CFDP1: variants seen among roughly 807,000 people sequenced by gnomAD.
The protein encoded by CFDP1 is chromatin remodeling protein CFDP1.
Under a neutral mutation model 40.1 loss-of-function variants are expected in CFDP1, and 31 were observed. That is an observed-to-expected ratio of 0.77 (90% confidence interval 0.58 to 1.04). The LOEUF is 1.04. Ranked by LOEUF, CFDP1 falls within the 50% of genes least tolerant of loss-of-function variation. CFDP1 has a pLI of 0.00. For synonymous variants in CFDP1, 167 were observed against 120.0 expected (o/e 1.39, Z -2.56); for missense variants, 423 against 343.4 (o/e 1.23, Z -1.83).
intron 5 of CFDP1, among the ~76,000 whole-genome samples, chr16:75,342,571 CAG>C (rs1210151232): frequency 6.6e-6 from 1 of 152,182 alleles, no homozygotes; most frequent in Admixed American, 6.5e-5. Flanking sequence ...AAGCCAAATG[CAG>C]AGTTAGAGTT....
chr16:75,311,509 A>T lies in CFDP1; in HGVS notation c.651-6327T>A, dbSNP rs181895404. On this transcript the variant is annotated intron_variant, in intron 5 of 6. Transcript: ENST00000283882. ...TTACCCAAACACTTTTTCTCATAAC[A>T]AAATATTCAACACTACACTTGAACT... 3.0e-3 allele frequency among the ~76,000 whole-genome samples: 455 copies of T among 152,282 alleles called. 2 individuals carry two copies. Among genetic ancestry groups the T allele is most frequent in the Non-Finnish European group, 4.7e-3 (317 of 68,014 alleles).
Position 75,397,222 on chromosome 16 carries a change from T to C in CFDP1, c.531-2013A>G, listed in dbSNP as rs2151566751. ...AGCCACTGCGCCCAGCGTTTTTTTG[T>C]TTTAAAACCAGGCCAGGTACAGTGG... is the stretch of plus-strand genomic sequence containing the variant. On this transcript the variant is annotated intron_variant, in intron 4 of 6. Transcript: ENST00000283882. Among the ~76,000 whole-genome samples, 3 of 151,308 alleles carry C rather than the reference T, an allele frequency of 2.0e-5. No individual in the cohort carries two copies. The East Asian group carries it at 6.0e-4, about 30-fold the overall frequency.
chr16:75,347,431 G>A (rs1221383160), intron 5 of CFDP1, among the ~76,000 whole-genome samples: 1 of 150,638 alleles, frequency 6.6e-6, no homozygotes, highest in Non-Finnish European at 1.5e-5. Flanking sequence ...TGTAATCCCA[G>A]CACTTTAGGA....
intron 5 of CFDP1, among the ~76,000 whole-genome samples, chr16:75,343,441 A>T (rs1288166464): frequency 6.6e-6 from 1 of 152,166 alleles, no homozygotes; most frequent in African/African-American, 2.4e-5. Context: ...TTCCAGCAAA[A>T]AAGGTGCAGT....
At chr16:75,330,923 G>A (rs2078441210) in intron 5 of CFDP1, among the ~76,000 whole-genome samples, 2 of 148,344 alleles carry the variant, frequency 1.3e-5, no homozygotes, top group Non-Finnish European at 1.5e-5. Context: ...GAGGCAGACA[G>A]GCCAGTCCTT....
At chr16:75,327,728 T>C (rs1160634355) in intron 5 of CFDP1, among the ~76,000 whole-genome samples, 3 of 152,056 alleles carry the variant, frequency 2.0e-5, no homozygotes, top group African/African-American at 7.3e-5. Context: ...CAAATTATTA[T>C]TATTATTATT....
In CFDP1 at chr16:75,296,214, T is replaced by C. The variant is rs981241006; in HGVS notation, c.810-2172A>G. Among the ~76,000 whole-genome samples, 4 of 152,342 alleles carry C rather than the reference T, an allele frequency of 2.6e-5. No homozygotes were observed. The South Asian group carries it at 6.2e-4, about 24-fold the overall frequency. On this transcript the variant is annotated intron_variant, in intron 6 of 6. Transcript: ENST00000283882. ...ATCAGGTGGAGGGAAGGAGTAAGTA[T>C]GTGGCTTTAAGCATTTGGGGTCTTT... is the stretch of plus-strand genomic sequence containing the variant.
intron 6 of CFDP1, among the ~76,000 whole-genome samples, chr16:75,303,400 A>AATAAATGAATATATGTATGTATGT (rs745774792): frequency 1.3e-3 from 192 of 146,242 alleles, no homozygotes; most frequent in Non-Finnish European, 2.3e-3. Flanking sequence ...TAAATAAATA[A>AATAAATGAATATATGTATGTATGT]ATGTATGTAT....
intron 5 of CFDP1, among the ~76,000 whole-genome samples, chr16:75,319,453 G>C (rs933153586): frequency 6.6e-6 from 1 of 152,142 alleles, no homozygotes; most frequent in African/African-American, 2.4e-5. Flanking sequence ...GGGGTTGGGG[G>C]GGAACGTGCT....
At chr16:75,323,284 G>T (rs1189725690) in intron 5 of CFDP1, among the ~76,000 whole-genome samples, 3 of 151,556 alleles carry the variant, frequency 2.0e-5, no homozygotes, top group Non-Finnish European at 2.9e-5. Flanking sequence ...ACAGGGTCAG[G>T]ATCATCAATA....
intron 4 of CFDP1, among the ~76,000 whole-genome samples, chr16:75,401,907 C>T (rs1029905274): frequency 3.9e-5 from 6 of 152,086 alleles, no homozygotes; most frequent in Non-Finnish European, 7.3e-5. Flanking sequence ...AGCAGAACAG[C>T]CAACCATGAA....
intron 5 of CFDP1, among the ~76,000 whole-genome samples, chr16:75,346,617 A>G (rs1234928763): frequency 7.8e-6 from 1 of 128,406 alleles, no homozygotes; most frequent in Non-Finnish European, 1.6e-5. Flanking sequence ...AAAAAAAAAG[A>G]GTACCAGGTG....
intron 5 of CFDP1, among the ~76,000 whole-genome samples, chr16:75,336,200 G>A (rs1218283979): frequency 2.0e-5 from 3 of 152,206 alleles, no homozygotes; most frequent in Non-Finnish European, 4.4e-5. Flanking sequence ...GTTCTAGGAG[G>A]TGGAAATAGA....
intron 6 of CFDP1, among the ~76,000 whole-genome samples, chr16:75,302,061 G>C (rs2078225310): frequency 6.6e-6 from 1 of 152,182 alleles, no homozygotes; most frequent in African/African-American, 2.4e-5. Context: ...GAGGGGAGAA[G>C]CCTCAAGCAA....
intron 5 of CFDP1, among the ~76,000 whole-genome samples, chr16:75,323,764 A>G (rs530343450): frequency 4.0e-4 from 58 of 146,336 alleles, no homozygotes; most frequent in African/African-American, 1.4e-3. Flanking sequence ...GGGCAACAAG[A>G]GCGAAGCTCT....
At chr16:75,405,920 A>C (rs2049996260) in intron 4 of CFDP1, among the ~76,000 whole-genome samples, 1 of 144,708 alleles carries the variant, frequency 6.9e-6, no homozygotes, top group African/African-American at 2.5e-5. Flanking sequence ...CCCCGTCTCC[A>C]AAAAAAAAAA....
chr16:75,315,046 C>G (rs1244750498), intron 5 of CFDP1, among the ~76,000 whole-genome samples: 1 of 152,160 alleles, frequency 6.6e-6, no homozygotes, highest in African/African-American at 2.4e-5. Context: ...GCCACCATAC[C>G]TGGCCAGGAA....
intron 5 of CFDP1, among the ~76,000 whole-genome samples, chr16:75,372,923 A>C (rs2078764641): frequency 6.6e-6 from 1 of 152,232 alleles, no homozygotes; most frequent in South Asian, 2.1e-4. Context: ...GCAAACTGCT[A>C]ACTGAAAAGG....
intron 5 of CFDP1, among the ~76,000 whole-genome samples, chr16:75,336,704 T>C (rs1204775793): frequency 6.6e-6 from 1 of 152,248 alleles, no homozygotes; most frequent in African/African-American, 2.4e-5. Context: ...AGAACCATAA[T>C]TTATTCAACA....
Sources: gnomAD v4.1 joint callset for allele counts (sites outside exome capture counted in the v4.1 genomes callset) on GRCh38, gnomAD v4.1.1 for gene constraint, MANE v1.5 for transcripts, NCBI Gene and HGNC (gene_info 2026-07-23, HGNC 2026-07-21) for gene names.